Variants in SAMSN1 observed in about 807,000 individuals in gnomAD.
SAMSN1 encodes the protein SAM domain-containing protein SAMSN-1.
In SAMSN1, 31 loss-of-function variants were observed where a neutral mutation model predicts 42.0. That is an observed-to-expected ratio of 0.74 (90% CI 0.55 to 1.00). The LOEUF is 1.00. SAMSN1 is among the 50% of genes least tolerant of loss of function. The pLI is 0.00. For missense variants in SAMSN1, 464 were observed against 439.4 expected, an observed-to-expected ratio of 1.06 and a Z score of -0.50; for synonymous variants, 178 against 151.9, an observed-to-expected ratio of 1.17 and a Z score of -1.26.
chr21:14,563,531 A>T (rs1981012294), intron 2 of SAMSN1, among the ~76,000 whole-genome samples: 1 of 152,174 alleles, frequency 6.6e-6, no homozygotes, highest in Admixed American at 6.6e-5. Context: ...AAAGAGCTGG[A>T]GAAGCTCAAT....
intron 7 of SAMSN1, among the ~76,000 whole-genome samples, chr21:14,489,258 T>C (rs1038970117): frequency 1.3e-5 from 2 of 152,156 alleles, no homozygotes; most frequent in Admixed American, 6.5e-5. Context: ...AAGAAACAGG[T>C]TTGCCTACAA....
intron 4 of SAMSN1, among the ~76,000 whole-genome samples, chr21:14,610,269 C>G (rs942670995): frequency 2.0e-5 from 3 of 152,132 alleles, no homozygotes; most frequent in Non-Finnish European, 2.9e-5. Flanking sequence ...GGCGGGGCCT[C>G]TAAAATGGCC....
At position 14,563,912 on chromosome 21, in the gene SAMSN1, G is replaced by T. The variant is rs530008512; in HGVS notation, c.261+18224C>A. On this transcript the variant is annotated intron_variant, in intron 2 of 8. Transcript: ENST00000285670. ...AGGAAAAGACTTAACAAGAATATAG[G>T]TACAATTAAGAATGGTAGCAAAAGT... 2.0e-5 allele frequency among the ~76,000 whole-genome samples: 3 copies of T among 152,208 alleles called. No individual in the cohort carries two copies. The East Asian group carries it at 5.8e-4, about 29-fold the overall frequency.
chr21:14,592,127 G>A (rs1168917947), intron 7 of SAMSN1: 2 of 152,152 alleles, frequency 1.3e-5, no homozygotes, highest in Non-Finnish European at 2.9e-5. Context: ...AAAGGCCACA[G>A]AAGCCACATC....
chr21:14,622,514 G>A (rs957821371), intron 2 of SAMSN1, among the ~76,000 whole-genome samples: 1 of 152,186 alleles, frequency 6.6e-6, no homozygotes, highest in Non-Finnish European at 1.5e-5. Flanking sequence ...CAGGAAGAAA[G>A]GATATCAGTG....
intron 6 of SAMSN1, among the ~76,000 whole-genome samples, chr21:14,596,755 G>A (rs1024269220): frequency 1.3e-5 from 2 of 152,060 alleles, no homozygotes; most frequent in Non-Finnish European, 2.9e-5. Context: ...ATGAGAGGGA[G>A]TTAGAAACAA....
At chr21:14,545,664 G>A (rs751548786) in intron 1 of SAMSN1, among the ~76,000 whole-genome samples, 1 of 151,966 alleles carries the variant, frequency 6.6e-6, no homozygotes, top group Non-Finnish European at 1.5e-5. Flanking sequence ...CCGATTTTTT[G>A]TGTAGTAATA....
At chr21:14,587,345 T>C (rs541682568), upstream of SAMSN1, among the ~76,000 whole-genome samples, 2 of 152,330 alleles carry the variant, frequency 1.3e-5, no homozygotes, top group South Asian at 4.1e-4. Flanking sequence ...GTCATTTTGA[T>C]CTAATGAGCC....
At chr21:14,638,922 T>A (rs1195845620) in intron 2 of SAMSN1, among the ~76,000 whole-genome samples, 2 of 152,224 alleles carry the variant, frequency 1.3e-5, no homozygotes, top group East Asian at 3.8e-4. Context: ...TCCATTATTA[T>A]TAAGACTTTC....
intron 2 of SAMSN1, among the ~76,000 whole-genome samples, chr21:14,520,801 T>C (rs1978411172): frequency 1.3e-5 from 2 of 152,074 alleles, no homozygotes; most frequent in Non-Finnish European, 2.9e-5. Context: ...CCTCTTTTGT[T>C]GTTATGTGGT....
At chr21:14,593,827 C>T in intron 7 of SAMSN1, 2 of 389,392 alleles carry the variant, frequency 5.1e-6, no homozygotes, top group Non-Finnish European at 9.2e-6. Flanking sequence ...CTTTATGTTC[C>T]TTTTAGTTCA....
At chr21:14,643,162 A>G (rs1983635678) in intron 1 of SAMSN1, 1 of 713,014 alleles carries the variant, frequency 1.4e-6, no homozygotes, top group Non-Finnish European at 2.6e-6. Context: ...TGAGTCAAGG[A>G]ATAACAGAAT....
chr21:14,545,087 G>A (rs1161492046), intron 1 of SAMSN1, among the ~76,000 whole-genome samples: 1 of 152,076 alleles, frequency 6.6e-6, no homozygotes, highest in African/African-American at 2.4e-5. Flanking sequence ...TTAAACTAAA[G>A]ATGCTTGTCT....
chr21:14,581,783 C>G (rs992584322), intron 2 of SAMSN1, among the ~76,000 whole-genome samples: 1 of 152,020 alleles, frequency 6.6e-6, no homozygotes, highest in Non-Finnish European at 1.5e-5. Flanking sequence ...AAATAAAATG[C>G]TCATTAAAAT....
At chr21:14,488,062 C>A (rs1009357668) in intron 7 of SAMSN1, among the ~76,000 whole-genome samples, 1 of 151,980 alleles carries the variant, frequency 6.6e-6, no homozygotes, top group Non-Finnish European at 1.5e-5. Flanking sequence ...TGCTTTCTAT[C>A]CTGCCTTGGC....
intron 5 of SAMSN1, among the ~76,000 whole-genome samples, chr21:14,602,992 T>C (rs1011785593): frequency 2.0e-5 from 3 of 152,140 alleles, no homozygotes; most frequent in Admixed American, 1.3e-4. Flanking sequence ...TCAAAGTTAT[T>C]TGCACCAATA....
rs764789293 is a variant in SAMSN1 at position 14,512,473 on chromosome 21, T to C, written c.380A>G (p.Asp127Gly). Reference protein sequence around the residue: ...KVSLKASDSMDSLYSGQSSSS... With the variant: ...KVSLKASDSMGSLYSGQSSSS... ...TGAGCTCTGTCCACTGTAGAGACTA[T>C]CCATGGAGTCACTGGCTTTGAGGGA... The change falls in exon 4 of 8, where the codon GAT (aspartate) becomes GGT (glycine). Residue 127 changes from aspartate (D) to glycine (G), a missense_variant. Physicochemically the swap from Asp to Gly is moderately conservative, Grantham distance 94. Transcript: ENST00000400566. 5.2e-5 allele frequency: 84 copies of C among 1,613,916 alleles called. No homozygotes were observed. Among genetic ancestry groups the C allele is most frequent in the Non-Finnish European group, 6.4e-5 (75 of 1,179,918 alleles).
chr21:14,636,174 G>A (rs936979769), intron 2 of SAMSN1, among the ~76,000 whole-genome samples: 1 of 152,178 alleles, frequency 6.6e-6, no homozygotes, highest in Non-Finnish European at 1.5e-5. Flanking sequence ...TCTGAGAGCA[G>A]AAATAAAATG....
chr21:14,602,137 A>G (rs1982452897), intron 5 of SAMSN1: 1 of 551,508 alleles, frequency 1.8e-6, no homozygotes, highest in Non-Finnish European at 3.4e-6. Flanking sequence ...AGAATATCAG[A>G]CATTACAGGA....
Sources: gnomAD v4.1 joint callset for allele counts (sites outside exome capture counted in the v4.1 genomes callset) on GRCh38, gnomAD v4.1.1 for gene constraint, MANE v1.5 for transcripts, NCBI Gene and HGNC (gene_info 2026-07-23, HGNC 2026-07-21) for gene names.